ATXN10: variants seen among roughly 807,000 people sequenced by gnomAD.
ATXN10 encodes ataxin-10.
Under a neutral mutation model 52.9 loss-of-function variants are expected in ATXN10, and 28 were observed. The ratio of observed to expected loss-of-function variants is 0.53; its 90% CI spans 0.39 to 0.73. ATXN10 has a LOEUF of 0.73. ATXN10 is among the 30% of genes least tolerant of loss of function. The probability of loss-of-function intolerance (pLI) is 0.00; values close to 1 mark genes in which losing one functional copy is unlikely to be tolerated. For missense variants in ATXN10, 565 were observed against 577.0 expected (o/e 0.98, Z 0.21); for synonymous variants, 226 against 221.5 (o/e 1.02, Z -0.18).
At chr22:45,737,021 C>A (rs1285319002) in intron 7 of ATXN10, among the ~76,000 whole-genome samples, 1 of 152,198 alleles carries the variant, frequency 6.6e-6, no homozygotes, top group African/African-American at 2.4e-5. Flanking sequence ...CGATTGTTTT[C>A]CCTCTTGATT....
rs1290996002 is a variant in ATXN10 at position 45,712,180 on chromosome 22, G to C, written c.648-6233G>C. 6.6e-6 allele frequency among the ~76,000 whole-genome samples: 1 copy of C among 152,110 alleles called. No homozygotes were observed. Among genetic ancestry groups the C allele is most frequent in the African/African-American group, 2.4e-5 (1 of 41,418 alleles). On this transcript the variant is annotated intron_variant, in intron 5 of 11. Transcript: ENST00000252934. The surrounding 1 kb of genome is among the most constrained non-coding windows in gnomAD (Gnocchi z 4.6). ...GGTGTGCAGTCAGGTGACCTCCCCT[G>C]GGGGCACAGGCTGTCAGGTTTGGGC...
chr22:45,724,519 G>A (rs1924791823), intron 6 of ATXN10, among the ~76,000 whole-genome samples: 2 of 151,912 alleles, frequency 1.3e-5, no homozygotes, highest in Non-Finnish European at 2.9e-5. Flanking sequence ...GGAATTATTT[G>A]TTTTTTTCTC....
chr22:45,723,791 A>G (rs1046120020), intron 6 of ATXN10, among the ~76,000 whole-genome samples: 3 of 152,134 alleles, frequency 2.0e-5, no homozygotes. Flanking sequence ...CCCCGTCTCT[A>G]CTAAAAATAC....
intron 10 of ATXN10, among the ~76,000 whole-genome samples, chr22:45,807,843 C>A (rs1335491309): frequency 6.6e-6 from 1 of 152,016 alleles, no homozygotes; most frequent in Non-Finnish European, 1.5e-5. Flanking sequence ...GGACTGGGAG[C>A]GTAGCCTGCG....
At chr22:45,717,426 G>A (rs976937278) in intron 5 of ATXN10, among the ~76,000 whole-genome samples, 12 of 152,180 alleles carry the variant, frequency 7.9e-5, no homozygotes, top group African/African-American at 2.9e-4. Context: ...AATTTAGTTT[G>A]TGTATCCATC....
At position 45,780,846 on chromosome 22, in the gene ATXN10, A is replaced by G. The variant is rs1217037912; in HGVS notation, c.1174-26113A>G. ...TCCCGGTATCTCTCCAGCTAAATAC[A>G]TCCAGAACCCTGTCATCATATATGA... On this transcript the variant is annotated intron_variant, in intron 9 of 11. Coordinates refer to ENST00000252934, the MANE Select transcript of ATXN10 (RefSeq NM_013236.4). This position sits in a 1 kb window ranked among gnomAD's most constrained non-coding sequence, Gnocchi z 4.0. Among the ~76,000 whole-genome samples the G allele has an allele frequency of 6.6e-6, 1 of 152,190 alleles. No individual in the cohort carries two copies. The highest frequency in any genetic ancestry group is 2.4e-5 in the African/African-American group (1 of 41,456).
chr22:45,698,083 T>A (rs2351089), intron 3 of ATXN10, among the ~76,000 whole-genome samples: 2,057 of 152,206 alleles, frequency 0.014, 51 homozygotes, highest in African/African-American at 0.047. Flanking sequence ...CCACCTTTTG[T>A]CTATCATGAG....
rs1203858175 is a variant in ATXN10 at position 45,672,101 on chromosome 22, G to T, written c.38G>T (p.Gly13Val). 2 of 1,539,278 alleles carry T rather than the reference G, an allele frequency of 1.3e-6. No individual in the cohort carries two copies. The highest frequency in any genetic ancestry group is 1.4e-5 in the African/African-American group (1 of 72,836). ...AGGCCGCCGCCTGCCAGGCTGTCGG[G>T]CGTCATGGTGCCGGCGCCCATCCAA... ...APRPPPARLSGVMVPAPIQDL... is the reference protein window; with the variant it reads ...APRPPPARLSVVMVPAPIQDL... The change falls in exon 1 of 12, where the codon GGC becomes GTC. Residue 13 changes from glycine to valine, a missense_variant. Transcript: ENST00000252934.
Position 45,824,695 on chromosome 22 carries a change from A to G in ATXN10, c.1237+17673A>G, listed in dbSNP as rs1419560371. On this transcript the variant is annotated intron_variant, in intron 10 of 11. Transcript: ENST00000252934. The surrounding 1 kb of genome is among the most constrained non-coding windows in gnomAD (Gnocchi z 5.2). Reference sequence around the variant, plus strand: ...GTATATGGTGGCAGCTAGAAAACAAATTTGTATTGATAACTGAATTGATAG... The same window carrying G: ...GTATATGGTGGCAGCTAGAAAACAAGTTTGTATTGATAACTGAATTGATAG... Among the ~76,000 whole-genome samples, 1 of 152,238 alleles carries G rather than the reference A, an allele frequency of 6.6e-6. No homozygotes were observed. Among genetic ancestry groups the G allele is most frequent in the Non-Finnish European group, 1.5e-5 (1 of 68,040 alleles).
At chr22:45,674,262 G>A (rs898197948) in intron 1 of ATXN10, 1 of 152,230 alleles carries the variant, frequency 6.6e-6, no homozygotes, top group South Asian at 2.1e-4. Flanking sequence ...TTGGATTGTG[G>A]GGGGGAGAAT....
chr22:45,793,983 A>G (rs1188480863), intron 9 of ATXN10, among the ~76,000 whole-genome samples: 1 of 152,232 alleles, frequency 6.6e-6, no homozygotes, highest in Admixed American at 6.5e-5. Flanking sequence ...CTGCACTCAT[A>G]TTTATACCCA....
At chr22:45,687,926 G>C (rs9614757) in intron 1 of ATXN10, among the ~76,000 whole-genome samples, 1 of 151,972 alleles carries the variant, frequency 6.6e-6, no homozygotes, top group Non-Finnish European at 1.5e-5. Context: ...GCGTGGTGGC[G>C]TGTGCCTGTA....
chr22:45,803,295 TC>T (rs1202790060), intron 9 of ATXN10, among the ~76,000 whole-genome samples: 1 of 152,200 alleles, frequency 6.6e-6, no homozygotes, highest in East Asian at 1.9e-4. Context: ...GCCTCCCAGT[TC>T]CATGAGCTTC....
At chr22:45,792,444 C>G (rs1382074913) in intron 9 of ATXN10, 1 of 152,908 alleles carries the variant, frequency 6.5e-6, no homozygotes, top group East Asian at 1.9e-4. Flanking sequence ...TATCTTTTCC[C>G]CCTTGGTAAC....
In ATXN10 at chr22:45,772,186, C is replaced by T. The variant is rs959978819; in HGVS notation, c.1173+31648C>T. On this transcript the variant is annotated intron_variant, in intron 9 of 11. Coordinates refer to ENST00000252934, the MANE Select transcript of ATXN10 (RefSeq NM_013236.4). This position sits in a 1 kb window ranked among gnomAD's most constrained non-coding sequence, Gnocchi z 4.1. ...CAAGAATTTTCTCATAGTTTTTCTT[C>T]CTAAAATTTTGTAGTTTTATGTTTT... Among the ~76,000 whole-genome samples, 3 of 152,000 alleles carry T rather than the reference C, an allele frequency of 2.0e-5. No individual in the cohort carries two copies. Among genetic ancestry groups the T allele is most frequent in the African/African-American group, 7.3e-5 (3 of 41,342 alleles).
At chr22:45,768,385 GA>G (rs375984870) in intron 9 of ATXN10, among the ~76,000 whole-genome samples, 288 of 144,822 alleles carry the variant, frequency 2.0e-3, no homozygotes, top group Non-Finnish European at 2.9e-3. Context: ...GTTTGAGGAT[GA>G]AAAAAAAAAA....
At position 45,835,512 on chromosome 22, in the gene ATXN10, G is replaced by T. The variant is rs1169357142; in HGVS notation, c.1238-7479G>T. Among the ~76,000 whole-genome samples, 1 of 152,208 alleles carries T rather than the reference G, an allele frequency of 6.6e-6. No individual in the cohort carries two copies. The highest frequency in any genetic ancestry group is 1.9e-4 in the East Asian group (1 of 5,196). ...GTACATTGTGCCAAGCAAGGACAGT[G>T]AATGGGCCTTCGTTTCAGCATCTTT... On this transcript the variant is annotated intron_variant, in intron 10 of 11. Coordinates refer to ENST00000252934, the MANE Select transcript of ATXN10 (RefSeq NM_013236.4). The surrounding 1 kb of genome is among the most constrained non-coding windows in gnomAD (Gnocchi z 5.0).
intron 9 of ATXN10, among the ~76,000 whole-genome samples, chr22:45,758,202 C>T (rs1460013039): frequency 2.6e-5 from 4 of 152,162 alleles, no homozygotes; most frequent in Non-Finnish European, 2.9e-5. Context: ...TCGTGTCCCT[C>T]GGCTGTGGAG....
In ATXN10 at chr22:45,705,858, G is replaced by C. The variant is rs1924019817; in HGVS notation, c.647+3011G>C. Reference sequence around the variant, plus strand: ...CCTCCAGCCCCCGACCTGTGGACTGGTACCTGTCCATGGCCTGTTAGGAAC... The same window carrying C: ...CCTCCAGCCCCCGACCTGTGGACTGCTACCTGTCCATGGCCTGTTAGGAAC... On this transcript the variant is annotated intron_variant, in intron 5 of 11. Coordinates refer to ENST00000252934, the MANE Select transcript of ATXN10 (RefSeq NM_013236.4). This position sits in a 1 kb window ranked among gnomAD's most constrained non-coding sequence, Gnocchi z 5.2. 6.6e-6 allele frequency among the ~76,000 whole-genome samples: 1 copy of C among 152,176 alleles called. No homozygotes were observed. The highest frequency in any genetic ancestry group is 1.9e-4 in the East Asian group (1 of 5,198).
Sources: allele counts gnomAD v4.1 joint callset (sites outside exome capture counted in the v4.1 genomes callset), GRCh38; gene constraint gnomAD v4.1.1; non-coding constraint Gnocchi (gnomAD v3.1); transcripts MANE v1.5; gene names NCBI Gene and HGNC (gene_info 2026-07-23, HGNC 2026-07-21).